Variants in ASTN1 observed in about 807,000 individuals in gnomAD.
ASTN1 encodes the protein astrotactin 1.
A neutral mutation model predicts 140.7 loss-of-function variants in ASTN1; 41 were observed. That is an observed-to-expected ratio of 0.29 (90% confidence interval 0.23 to 0.38). ASTN1 has a LOEUF of 0.38. ASTN1 is among the 10% of genes least tolerant of loss of function. ASTN1 has a pLI of 1.00. For synonymous variants in ASTN1, 640 were observed against 652.2 expected, an observed-to-expected ratio of 0.98 and a Z score of 0.29; for missense variants, 1,479 against 1,678.8, an observed-to-expected ratio of 0.88 and a Z score of 2.08.
intron 8 of ASTN1, among the ~76,000 whole-genome samples, chr1:176,989,188 T>C (rs2101894190): frequency 6.6e-6 from 1 of 152,324 alleles, no homozygotes; most frequent in Admixed American, 6.5e-5. Flanking sequence ...CATGTGATTA[T>C]AAGTGTGATG....
chr1:176,929,840 C>A (rs1309046730), intron 16 of ASTN1, among the ~76,000 whole-genome samples: 4 of 152,166 alleles, frequency 2.6e-5, no homozygotes, highest in Admixed American at 2.6e-4. Flanking sequence ...AACCCCATCT[C>A]TACTAAAAAT....
At chr1:176,914,072 A>T (rs569249225) in intron 16 of ASTN1, among the ~76,000 whole-genome samples, 2 of 152,218 alleles carry the variant, frequency 1.3e-5, no homozygotes, top group African/African-American at 2.4e-5. Context: ...GTGAAATTCA[A>T]CATTGTCAGT....
intron 1 of ASTN1, among the ~76,000 whole-genome samples, chr1:177,154,266 T>G (rs1683154348): frequency 6.6e-6 from 1 of 152,204 alleles, no homozygotes; most frequent in South Asian, 2.1e-4. Flanking sequence ...TGGATAAGAT[T>G]TGTGTTGTCC....
intron 1 of ASTN1, among the ~76,000 whole-genome samples, chr1:177,118,715 C>T (rs545755349): frequency 5.9e-5 from 9 of 152,258 alleles, no homozygotes; most frequent in Non-Finnish European, 1.0e-4. Flanking sequence ...GGCTCCATGG[C>T]ATTTGGTTTG....
intron 1 of ASTN1, among the ~76,000 whole-genome samples, chr1:177,078,463 A>G (rs1679026874): frequency 6.6e-6 from 1 of 152,196 alleles, no homozygotes; most frequent in Non-Finnish European, 1.5e-5. Context: ...GCACCTCACT[A>G]GATGGCCTAG....
intron 7 of ASTN1, among the ~76,000 whole-genome samples, chr1:177,022,234 G>A (rs1409994651): frequency 1.3e-5 from 2 of 152,144 alleles, no homozygotes; most frequent in African/African-American, 2.4e-5. Context: ...AGATGCGAGT[G>A]TGGTGGGCTG....
chr1:177,118,481 C>G (rs186811665), intron 1 of ASTN1, among the ~76,000 whole-genome samples: 120 of 152,068 alleles, frequency 7.9e-4, no homozygotes, highest in Non-Finnish European at 1.2e-3. Context: ...TGTCAGTATG[C>G]AAATTAGTAT....
chr1:177,125,442 G>A lies in ASTN1; in HGVS notation c.283+38952C>T, dbSNP rs556734780. 2.6e-5 allele frequency among the ~76,000 whole-genome samples: 4 copies of A among 152,272 alleles called. No individual in the cohort carries two copies. In the East Asian group the frequency reaches 5.8e-4, roughly 22 times the overall value. ...ATTAAATGCTAATAGATGAAGTATT[G>A]ACAAAGGCCAAGTAGTCTTTAAAGT... is the stretch of plus-strand genomic sequence containing the variant. On this transcript the variant is annotated intron_variant, in intron 1 of 22. Transcript: ENST00000361833.
Position 176,864,377 on chromosome 1 carries a change from G to C in ASTN1, c.3792C>G (p.Asp1264Glu), listed in dbSNP as rs1668063105. 6.2e-7 allele frequency: 1 copy of C among 1,614,114 alleles called. No individual in the cohort carries two copies. The highest frequency in any genetic ancestry group is 2.2e-5 in the East Asian group (1 of 44,870). The change falls in exon 23 of 23, where the codon GAC becomes GAG. Residue 1264 changes from aspartate to glutamate, a missense_variant. Physicochemically the swap from Asp to Glu is conservative, Grantham distance 45 (BLOSUM62 2). Transcript: ENST00000361833. ...TGAGGTCCCGGCTGAGCTCCGCCCAGTCAAGTCCGTAGGGTTTGATCTCGC... is the reference window on the plus strand; with the variant it reads ...TGAGGTCCCGGCTGAGCTCCGCCCACTCAAGTCCGTAGGGTTTGATCTCGC... ...RYSEIKPYGL[D>E]WAELSRDLRK...
chr1:177,119,954 A>G (rs1339347334), intron 1 of ASTN1, among the ~76,000 whole-genome samples: 3 of 152,182 alleles, frequency 2.0e-5, no homozygotes, highest in Admixed American at 6.5e-5. Flanking sequence ...CTTCCCATAT[A>G]GAAGCCAGGT....
intron 1 of ASTN1, among the ~76,000 whole-genome samples, chr1:177,160,833 T>C (rs1647317744): frequency 6.6e-6 from 1 of 152,226 alleles, no homozygotes; most frequent in Admixed American, 6.5e-5. Context: ...TTTGAGGCTT[T>C]CACCACACAT....
chr1:176,885,015 C>A (rs576718196), intron 18 of ASTN1, among the ~76,000 whole-genome samples: 78 of 152,346 alleles, frequency 5.1e-4, no homozygotes, highest in South Asian at 4.4e-3. Flanking sequence ...GCTATGGGAA[C>A]TAACCTATCC....
chr1:177,149,283 T>TATATATATAGTATATATATAGTAA (rs1682888383), intron 1 of ASTN1, among the ~76,000 whole-genome samples: 4 of 90,478 alleles, frequency 4.4e-5, no homozygotes, highest in Non-Finnish European at 5.7e-5. Context: ...ATATAGTAAA[T>TATATATATAGTATATATATAGTAA]ATATATATAG....
At chr1:177,036,420 A>C (rs940881214) in intron 2 of ASTN1, among the ~76,000 whole-genome samples, 39 of 152,214 alleles carry the variant, frequency 2.6e-4, no homozygotes, top group African/African-American at 8.9e-4. Context: ...CAAGCATTTG[A>C]AAAAGGATTC....
chr1:176,906,633 C>G (rs1005354618), intron 16 of ASTN1, among the ~76,000 whole-genome samples: 2 of 151,830 alleles, frequency 1.3e-5, no homozygotes, highest in African/African-American at 4.8e-5. Flanking sequence ...GTGGGCAGAT[C>G]GTTTGAGGTC....
At chr1:177,054,188 A>T (rs1677682212) in intron 2 of ASTN1, among the ~76,000 whole-genome samples, 1 of 152,230 alleles carries the variant, frequency 6.6e-6, no homozygotes, top group African/African-American at 2.4e-5. Flanking sequence ...GATAAATCAC[A>T]TAGCCTGTTA....
intron 2 of ASTN1, among the ~76,000 whole-genome samples, chr1:177,059,992 A>G (rs1015785261): frequency 6.6e-6 from 1 of 152,268 alleles, no homozygotes; most frequent in African/African-American, 2.4e-5. Context: ...ATATCAATAC[A>G]TAAAATACCA....
chr1:177,089,986 C>A (rs914768682), intron 1 of ASTN1, among the ~76,000 whole-genome samples: 16 of 151,936 alleles, frequency 1.1e-4, no homozygotes, highest in African/African-American at 3.9e-4. Flanking sequence ...CTCACATGAA[C>A]CTACATGTAC....
intron 16 of ASTN1, among the ~76,000 whole-genome samples, chr1:176,933,614 T>A (rs1464684557): frequency 6.6e-6 from 1 of 152,212 alleles, no homozygotes; most frequent in East Asian, 1.9e-4. Context: ...AAAGATTTAT[T>A]TGTGAGGCTG....
Sources: allele counts gnomAD v4.1 joint callset (sites outside exome capture counted in the v4.1 genomes callset), GRCh38; gene constraint gnomAD v4.1.1; transcripts MANE v1.5; gene names NCBI Gene and HGNC (gene_info 2026-07-23, HGNC 2026-07-21).